The following KCNMA1 variants were observed in gnomAD, a reference collection of about 807,000 sequenced individuals.
KCNMA1 encodes potassium calcium-activated channel subfamily M alpha 1, also known as Calcium-activated potassium channel subunit alpha-1.
A neutral mutation model predicts 140.0 loss-of-function variants in KCNMA1; 29 were observed. The observed-to-expected ratio is 0.21, with a 90% CI of 0.15 to 0.28. The LOEUF (loss-of-function observed/expected upper bound fraction) is 0.28. KCNMA1 is among the 10% of genes least tolerant of loss of function. The pLI is 1.00. For synonymous variants in KCNMA1, 612 were observed against 611.9 expected, an observed-to-expected ratio of 1.00 and a Z score of 0.00; for missense variants, 880 against 1,602.2, an observed-to-expected ratio of 0.55 and a Z score of 7.70.
chr10:77,537,224 TG>T (rs1186318221), intron 1 of KCNMA1, among the ~76,000 whole-genome samples: 1 of 152,114 alleles, frequency 6.6e-6, no homozygotes, highest in African/African-American at 2.4e-5. Flanking sequence ...TCTGCTCCAT[TG>T]CTTCCCCTCC....
intron 2 of KCNMA1, among the ~76,000 whole-genome samples, chr10:77,375,970 A>G (rs1241576648): frequency 6.6e-6 from 1 of 152,144 alleles, no homozygotes; most frequent in South Asian, 2.1e-4. Flanking sequence ...CCTCCAGCAC[A>G]CTCAACTTCG....
At chr10:77,398,954 T>C (rs7097255) in intron 2 of KCNMA1, among the ~76,000 whole-genome samples, 26,772 of 152,122 alleles carry the variant, frequency 0.18, 3,821 homozygotes, top group African/African-American at 0.39. Context: ...CATAACTGCA[T>C]ACATGTAAAT....
intron 21 of KCNMA1, among the ~76,000 whole-genome samples, chr10:76,950,898 G>A (rs1312861600): frequency 6.6e-6 from 1 of 152,142 alleles, no homozygotes; most frequent in African/African-American, 2.4e-5. Flanking sequence ...AAGACCCACT[G>A]GGGAGCTCAC....
chr10:77,618,863 C>T (rs545058574), intron 1 of KCNMA1, among the ~76,000 whole-genome samples: 63 of 152,284 alleles, frequency 4.1e-4, no homozygotes, highest in Non-Finnish European at 7.1e-4. Context: ...ACCAGCACAT[C>T]CCTGGATAAA....
At chr10:77,431,993 G>GAA (rs144459194) in intron 1 of KCNMA1, among the ~76,000 whole-genome samples, 2 of 144,864 alleles carry the variant, frequency 1.4e-5, no homozygotes. Context: ...CTCTATCTCT[G>GAA]AAAAAAAAAA....
chr10:77,314,418 T>C (rs549714064), intron 2 of KCNMA1, among the ~76,000 whole-genome samples: 1 of 152,178 alleles, frequency 6.6e-6, no homozygotes, highest in East Asian at 1.9e-4. Context: ...AAAACACCCA[T>C]CTAAGTGCTG....
chr10:77,555,474 T>A (rs529246980), intron 1 of KCNMA1, among the ~76,000 whole-genome samples: 32 of 152,048 alleles, frequency 2.1e-4, no homozygotes, highest in African/African-American at 7.0e-4. Flanking sequence ...GGAAAAAAAA[T>A]TTACTAAAAT....
intron 3 of KCNMA1, among the ~76,000 whole-genome samples, chr10:77,245,712 A>T (rs578158536): frequency 3.9e-5 from 6 of 152,342 alleles, no homozygotes; most frequent in African/African-American, 1.4e-4. Flanking sequence ...AGCATTTCTC[A>T]TATCTATTTC....
chr10:77,546,682 G>A (rs762474027), intron 1 of KCNMA1, among the ~76,000 whole-genome samples: 3 of 152,238 alleles, frequency 2.0e-5, no homozygotes, highest in Non-Finnish European at 4.4e-5. Flanking sequence ...TCTTAGGAAT[G>A]CCTGCTCACT....
At chr10:76,892,169 C>T (rs10437394) in intron 25 of KCNMA1, among the ~76,000 whole-genome samples, 79,517 of 151,988 alleles carry the variant, frequency 0.52, 21,905 homozygotes, top group Non-Finnish European at 0.62. Context: ...CCCACGACAA[C>T]GGCAAAACCT....
chr10:77,416,040 T>C (rs2096734928), intron 1 of KCNMA1, among the ~76,000 whole-genome samples: 1 of 152,232 alleles, frequency 6.6e-6, no homozygotes, highest in African/African-American at 2.4e-5. Context: ...TATTCTGTTT[T>C]ATAAAAATTC....
At chr10:77,344,555 T>G (rs957310789) in intron 2 of KCNMA1, among the ~76,000 whole-genome samples, 1 of 152,146 alleles carries the variant, frequency 6.6e-6, no homozygotes, top group African/African-American at 2.4e-5. Flanking sequence ...CCTGCTTGCC[T>G]CTCTTGGAAA....
intron 1 of KCNMA1, among the ~76,000 whole-genome samples, chr10:77,594,958 C>T (rs1007604937): frequency 5.9e-5 from 9 of 152,182 alleles, no homozygotes; most frequent in African/African-American, 2.2e-4. Flanking sequence ...TTGCTTGCTA[C>T]AGCAGCTAGG....
At chr10:77,477,888 T>A (rs1403727609) in intron 1 of KCNMA1, among the ~76,000 whole-genome samples, 2 of 152,210 alleles carry the variant, frequency 1.3e-5, no homozygotes, top group African/African-American at 4.8e-5. Context: ...TTAAATGTGC[T>A]AGGTGGTCTC....
chr10:77,232,945 G>A (rs1408699719), intron 3 of KCNMA1, among the ~76,000 whole-genome samples: 1 of 148,876 alleles, frequency 6.7e-6, no homozygotes, highest in Non-Finnish European at 1.5e-5. Flanking sequence ...GGAGTGCAGT[G>A]GCACAATCAC....
chr10:77,273,956 A>G (rs1379446474), intron 2 of KCNMA1, among the ~76,000 whole-genome samples: 1 of 152,200 alleles, frequency 6.6e-6, no homozygotes, highest in Non-Finnish European at 1.5e-5. Flanking sequence ...TTACGTGTAC[A>G]TACATGGAAA....
intron 23 of KCNMA1, among the ~76,000 whole-genome samples, chr10:76,919,377 T>C (rs1312458660): frequency 2.0e-5 from 3 of 152,208 alleles, no homozygotes; most frequent in Admixed American, 1.3e-4. Flanking sequence ...CTGTAAGTTT[T>C]CTCCCCACTC....
intron 14 of KCNMA1, among the ~76,000 whole-genome samples, chr10:77,055,842 A>G (rs2095523803): frequency 6.6e-6 from 1 of 152,192 alleles, no homozygotes; most frequent in South Asian, 2.1e-4. Context: ...GATCACATAG[A>G]AAGAGGACAT....
At chr10:77,411,649 A>C (rs1344009243) in intron 1 of KCNMA1, among the ~76,000 whole-genome samples, 1 of 152,218 alleles carries the variant, frequency 6.6e-6, no homozygotes, top group South Asian at 2.1e-4. Flanking sequence ...CAAAGTGCCC[A>C]CGAAAGGTTT....
Sources: gnomAD v4.1 joint callset for allele counts (sites outside exome capture counted in the v4.1 genomes callset) on GRCh38, gnomAD v4.1.1 for gene constraint, MANE v1.5 for transcripts, NCBI Gene and HGNC (gene_info 2026-07-23, HGNC 2026-07-21) for gene names.